The following SEH1L variants were observed in gnomAD, a reference collection of about 807,000 sequenced individuals.
SEH1L encodes SEH1 like nucleoporin, also known as nucleoporin SEH1.
SEH1L carries 18 observed loss-of-function variants against 49.5 expected under a neutral mutation model. The ratio of observed to expected loss-of-function variants is 0.36; its 90% CI spans 0.25 to 0.54. SEH1L has a LOEUF of 0.54. SEH1L is among the 20% of genes least tolerant of loss of function. The pLI, the probability that SEH1L is intolerant of heterozygous loss-of-function variation, is 0.87. For missense variants in SEH1L, 404 were observed against 528.8 expected (o/e 0.76, Z 2.31); for synonymous variants, 169 against 178.1 (o/e 0.95, Z 0.41).
Position 12,982,502 on chromosome 18 carries a change from T to A in SEH1L, c.762-16T>A. ...ACTTTGTTTGGAATGCCTCAGAAAA[T>A]GTTTTTTATTAACAGGAAAGAACTG... is the stretch of plus-strand genomic sequence containing the variant. On this transcript the variant is annotated splice_polypyrimidine_tract_variant and intron_variant, in intron 6 of 8. Transcript: ENST00000399892. 6.2e-7 allele frequency: 1 copy of A among 1,600,516 alleles called. No individual in the cohort carries two copies. Among genetic ancestry groups the A allele is most frequent in the East Asian group, 2.2e-5 (1 of 44,754 alleles).
chr18:12,976,607 T>C (rs1289321490), intron 5 of SEH1L: 2 of 152,148 alleles, frequency 1.3e-5, no homozygotes, highest in Non-Finnish European at 2.9e-5. Flanking sequence ...ATCTATCCCC[T>C]GAATTGCAGG....
intron 1 of SEH1L, among the ~76,000 whole-genome samples, chr18:12,949,338 G>C (rs2030347022): frequency 6.7e-6 from 1 of 149,658 alleles, no homozygotes. Context: ...TGATACCAGT[G>C]ATCTCTCAAA....
At chr18:12,967,299 T>C (rs2031493460) in intron 4 of SEH1L, among the ~76,000 whole-genome samples, 1 of 152,200 alleles carries the variant, frequency 6.6e-6, no homozygotes, top group African/African-American at 2.4e-5. Flanking sequence ...TTGACTAACA[T>C]TGAACTCATA....
intron 4 of SEH1L, among the ~76,000 whole-genome samples, chr18:12,970,264 C>T (rs1224693277): frequency 1.3e-5 from 2 of 152,158 alleles, no homozygotes; most frequent in Non-Finnish European, 2.9e-5. Flanking sequence ...AGTCATTCAG[C>T]TTATAGTTCA....
intron 2 of SEH1L, among the ~76,000 whole-genome samples, chr18:12,953,087 T>C (rs1233704650): frequency 6.6e-6 from 1 of 152,204 alleles, no homozygotes; most frequent in African/African-American, 2.4e-5. Flanking sequence ...TGGCCTGGTT[T>C]ATCCTTTCTA....
At chr18:12,972,863 A>C in intron 5 of SEH1L, 1 of 151,788 alleles carries the variant, frequency 6.6e-6, no homozygotes, top group Non-Finnish European at 1.5e-5. Context: ...GTAAATTTCA[A>C]CCTGAGCTGA....
At chr18:12,952,740 GCCCTCCCTCTC>G (rs750078379) in intron 2 of SEH1L, among the ~76,000 whole-genome samples, 5 of 149,414 alleles carry the variant, frequency 3.3e-5, no homozygotes, top group Non-Finnish European at 5.9e-5. Flanking sequence ...TCTCTCCTCT[GCCCTCCCTCTC>G]CCCTCCCCTC....
rs1259068639 is a variant in SEH1L at position 12,971,202 on chromosome 18, C to G, written c.571C>G (p.Pro191Ala). Residue 191 changes from proline to alanine, a missense_variant, in exon 5 of 9, where the codon CCC (proline) becomes GCC (alanine). Pro to Ala is a conservative substitution (Grantham distance 27). This residue lies in a region of SEH1L where 342 missense variants were observed against 430.8 expected (regional missense o/e 0.79). Transcript: ENST00000399892. ...CGCCGTAGGAAGTGATGACAGTAGC[C>G]CCAACGCAATGGCCAAGGTTCAGAT... Reference protein sequence around the residue: ...MIAVGSDDSSPNAMAKVQIFE... With the variant: ...MIAVGSDDSSANAMAKVQIFE... The G allele has an allele frequency of 1.2e-6, 2 of 1,613,942 alleles. No homozygotes were observed. Among genetic ancestry groups the G allele is most frequent in the Non-Finnish European group, 8.5e-7 (1 of 1,179,900 alleles).
intron 4 of SEH1L, among the ~76,000 whole-genome samples, chr18:12,964,052 T>C (rs2031321783): frequency 1.3e-5 from 2 of 152,368 alleles, no homozygotes; most frequent in Admixed American, 1.3e-4. Flanking sequence ...TTAGCTTTTT[T>C]CACTTAAAGA....
rs144993255 is a variant in SEH1L at position 12,984,098 on chromosome 18, C to G, written c.978C>G (p.Val326=). The change falls in exon 8 of 9, where the codon GTC becomes GTG. Residue 326 remains valine (V), a synonymous_variant. Coordinates refer to ENST00000399892, the MANE Select transcript of SEH1L (RefSeq NM_001013437.2). ...TGILKGNGSP[V]NGSSQQGTSN... ...TTTTGAAAGGTAATGGGAGCCCAGT[C>G]AATGGGAGTTCTCAGCAGGGAACCT... 2 of 1,613,710 alleles carry G rather than the reference C, an allele frequency of 1.2e-6. No homozygotes were observed. The highest frequency in any genetic ancestry group is 1.7e-6 in the Non-Finnish European group (2 of 1,179,604).
intron 1 of SEH1L, among the ~76,000 whole-genome samples, chr18:12,951,246 T>C (rs2030505991): frequency 6.6e-6 from 1 of 152,210 alleles, no homozygotes; most frequent in Non-Finnish European, 1.5e-5. Context: ...TTTAGTGCAA[T>C]GATTATTTGT....
chr18:12,984,359 G>A, intron 8 of SEH1L, 169 bp downstream of exon 8: 1 of 706,132 alleles, frequency 1.4e-6, no homozygotes, highest in South Asian at 1.9e-5. Context: ...GGCTTACTTG[G>A]TCATAATATT....
At chr18:12,952,038 T>C (rs1039221056) in intron 2 of SEH1L, 133 bp downstream of exon 2, 5 of 493,772 alleles carry the variant, frequency 1.0e-5, no homozygotes, top group Non-Finnish European at 1.4e-5. Flanking sequence ...TTACTGTTTT[T>C]CGCTATTAAA....
At chr18:12,977,657 G>T (rs549584076) in intron 5 of SEH1L, 1 of 152,218 alleles carries the variant, frequency 6.6e-6, no homozygotes, top group South Asian at 2.1e-4. Flanking sequence ...TCAGGAGGCG[G>T]AGGTTTCAGT....
intron 8 of SEH1L, chr18:12,986,083 A>C (rs1400184575): frequency 1.0e-6 from 1 of 984,736 alleles, no homozygotes; most frequent in Non-Finnish European, 1.2e-6. Flanking sequence ...GAAGCCATTA[A>C]AATTTTACTA....
chr18:12,954,545 C>G (rs919869071), intron 2 of SEH1L, among the ~76,000 whole-genome samples: 8 of 152,304 alleles, frequency 5.3e-5, no homozygotes, highest in African/African-American at 1.9e-4. Context: ...TGGCTTACTG[C>G]AGCCTCAACC....
At chr18:12,952,136 T>G (rs1428137722) in intron 2 of SEH1L, among the ~76,000 whole-genome samples, 2 of 152,038 alleles carry the variant, frequency 1.3e-5, no homozygotes, top group South Asian at 4.1e-4. Flanking sequence ...ATTCAGAATA[T>G]TCCTTTTGCC....
At chr18:12,977,515 A>G (rs1218063867) in intron 5 of SEH1L, 2 of 152,282 alleles carry the variant, frequency 1.3e-5, no homozygotes, top group Admixed American at 6.5e-5. Context: ...ACCTGAGGTC[A>G]GGAGTTCAAG....
chr18:12,970,620 T>G (rs939457376), intron 4 of SEH1L, among the ~76,000 whole-genome samples: 2 of 152,164 alleles, frequency 1.3e-5, no homozygotes, highest in African/African-American at 4.8e-5. Context: ...AGATAGAGTC[T>G]TATTATGTGG....
Sources: gnomAD v4.1 joint callset for allele counts (sites outside exome capture counted in the v4.1 genomes callset) on GRCh38, gnomAD v4.1.1 for gene constraint, gnomAD v4.1.1 regional missense constraint, MANE v1.5 for transcripts, NCBI Gene and HGNC (gene_info 2026-07-23, HGNC 2026-07-21) for gene names.